Variants in MLIP observed in about 807,000 individuals in gnomAD.
The protein encoded by MLIP is muscular LMNA-interacting protein.
A neutral mutation model predicts 84.8 loss-of-function variants in MLIP; 79 were observed. That is an observed-to-expected ratio of 0.93 (90% CI 0.78 to 1.12). The LOEUF is 1.12. Among genes scored for constraint, MLIP ranks in the 50% most tolerant of loss-of-function variants. MLIP has a pLI of 0.00. For missense variants in MLIP, 1,257 were observed against 1,160.6 expected, an observed-to-expected ratio of 1.08 and a Z score of -1.21; for synonymous variants, 504 against 463.0, an observed-to-expected ratio of 1.09 and a Z score of -1.14.
intron 8 of MLIP, among the ~76,000 whole-genome samples, chr6:54,168,853 C>CTTTTTTTT (rs3996971): frequency 8.4e-6 from 1 of 118,814 alleles, no homozygotes; most frequent in East Asian, 2.7e-4. Flanking sequence ...GGGTTGAGGT[C>CTTTTTTTT]TTTTTTTTTT....
intron 11 of MLIP, 96 bp from the exon 12 acceptor site, chr6:54,230,618 A>C: frequency 1.0e-5 from 11 of 1,061,490 alleles, no homozygotes; most frequent in Non-Finnish European, 1.6e-5. Flanking sequence ...TCTTACTGGT[A>C]AGAGATTCTG....
chr6:54,254,715 A>T (rs1423190726), intron 12 of MLIP, among the ~76,000 whole-genome samples: 1 of 146,604 alleles, frequency 6.8e-6, no homozygotes, highest in Non-Finnish European at 1.5e-5. Context: ...TCATATTTTT[A>T]TTAGAATCTT....
chr6:54,064,838 T>C (rs1312724183), intron 1 of MLIP, among the ~76,000 whole-genome samples: 2 of 99,198 alleles, frequency 2.0e-5, no homozygotes, highest in African/African-American at 5.1e-5. Context: ...TATATTCATC[T>C]TCCTTTAGAT....
At chr6:54,200,620 T>G (rs1280852) in intron 10 of MLIP, among the ~76,000 whole-genome samples, 127,092 of 139,596 alleles carry the variant, frequency 0.91, 58,538 homozygotes, top group East Asian at 0.99. Context: ...TTTTTTTTTT[T>G]TTTTTTTTTT....
intron 11 of MLIP, chr6:54,217,191 C>T: frequency 2.0e-6 from 2 of 985,368 alleles, no homozygotes; most frequent in Non-Finnish European, 2.4e-6. Context: ...CAGAAAACCG[C>T]AGCGTGAAGA....
chr6:54,033,629 A>G (rs1326294498), intron 1 of MLIP, among the ~76,000 whole-genome samples: 5 of 152,056 alleles, frequency 3.3e-5, no homozygotes, highest in Non-Finnish European at 7.4e-5. Flanking sequence ...TGGCCTCAGG[A>G]CAGCCTGAAT....
chr6:54,236,111 T>G (rs890626076), intron 12 of MLIP, among the ~76,000 whole-genome samples: 1 of 152,168 alleles, frequency 6.6e-6, no homozygotes, highest in African/African-American at 2.4e-5. Context: ...CATAGGGAAC[T>G]CCAAAACCAT....
rs186663783 is a variant in MLIP, at chr6:54,030,261, C to T, written c.63+11170C>T. ...TGCCTATTCTGAAAGATGTTATGTC[C>T]TAATCTCAGTGGAGAATAATTATAT... On this transcript the variant is annotated intron_variant, in intron 1 of 12. Transcript: ENST00000274897. Among the ~76,000 whole-genome samples, 127 of 152,252 alleles carry T rather than the reference C, an allele frequency of 8.3e-4. 1 individual carries two copies. The Middle Eastern group carries it at 0.01, about 12-fold the overall frequency.
Position 54,230,773 on chromosome 6 carries a change from T to A in MLIP, c.2778T>A (p.Tyr926Ter), listed in dbSNP as rs759125032. Reference protein sequence around the residue: ...SLHPLYQTKLYPPAKSLLHPQ... With the variant: ...SLHPLYQTKL ...ATCCTTTATATCAGACTAAACTCTA[T>A]CCTCCTGCTAAGTCACTGCTGCATC... Residue 926 changes from tyrosine to a stop codon, truncating the protein, a stop_gained, in exon 12 of 14, where the codon TAT (tyrosine) becomes TAA (stop). Transcript: ENST00000502396. LOFTEE classifies it high-confidence loss of function. 1 of 1,614,092 alleles carries A rather than the reference T, an allele frequency of 6.2e-7. No individual in the cohort carries two copies. Among genetic ancestry groups the A allele is most frequent in the Non-Finnish European group, 8.5e-7 (1 of 1,180,002 alleles).
chr6:54,072,162 G>A (rs2150344966), intron 1 of MLIP, among the ~76,000 whole-genome samples: 1 of 152,162 alleles, frequency 6.6e-6, no homozygotes, highest in South Asian at 2.1e-4. Context: ...TGACTCAGCT[G>A]GTCTGAAGGA....
chr6:54,021,258 T>C (rs902981471), intron 1 of MLIP, among the ~76,000 whole-genome samples: 25 of 152,292 alleles, frequency 1.6e-4, no homozygotes, highest in Middle Eastern at 3.4e-3. Flanking sequence ...ATAGTAAAGT[T>C]CGTAAAAGTC....
intron 12 of MLIP, among the ~76,000 whole-genome samples, chr6:54,239,036 G>T (rs1410659268): frequency 6.6e-6 from 1 of 152,010 alleles, no homozygotes; most frequent in Non-Finnish European, 1.5e-5. Context: ...AAATCCTATT[G>T]TAAGTTTTTA....
intron 12 of MLIP, among the ~76,000 whole-genome samples, chr6:54,240,432 T>C (rs981705487): frequency 2.0e-5 from 3 of 152,252 alleles, no homozygotes; most frequent in African/African-American, 7.2e-5. Context: ...CTTTCCTTTC[T>C]GCCCCCAGAG....
intron 12 of MLIP, among the ~76,000 whole-genome samples, chr6:54,248,760 A>T (rs1040536158): frequency 6.6e-6 from 1 of 152,128 alleles, no homozygotes; most frequent in African/African-American, 2.4e-5. Flanking sequence ...AAAGATCAGG[A>T]CAGAAAATTC....
intron 1 of MLIP, among the ~76,000 whole-genome samples, chr6:54,056,582 G>A (rs1213349539): frequency 1.3e-5 from 2 of 152,078 alleles, no homozygotes; most frequent in African/African-American, 4.8e-5. Flanking sequence ...TTATATTTTC[G>A]TGTCGTGTGT....
rs1174894019 is a variant in MLIP at position 54,215,245 on chromosome 6, TGACTTTCCTAC to T, written c.2718+13013_2718+13023del. 12 of 1,511,990 alleles carry T rather than the reference TGACTTTCCTAC, an allele frequency of 7.9e-6. No homozygotes were observed. The Admixed American group carries it at 2.4e-4, about 31-fold the overall frequency. 93.7% of individuals were successfully genotyped at this position (1,511,990 alleles called of 1,614,324 possible). ...CCTTGTGGCTAGTTACTGTAGCCTT[TGACTTTCCTAC>T]TTCCTGAAAAAGAGAAAAAGACGAT... On this transcript the variant is annotated intron_variant, in intron 11 of 13. Coordinates refer to ENST00000502396, the MANE Select transcript of MLIP (RefSeq NM_001281747.2).
At chr6:54,166,272 A>G (rs1244961084) in intron 8 of MLIP, among the ~76,000 whole-genome samples, 1 of 151,972 alleles carries the variant, frequency 6.6e-6, no homozygotes, top group African/African-American at 2.4e-5. Context: ...TCAATGAAGT[A>G]AAATGTAAGA....
chr6:54,099,516 A>G (rs1350670646), intron 1 of MLIP: 1 of 152,098 alleles, frequency 6.6e-6, no homozygotes, highest in Non-Finnish European at 1.5e-5. Flanking sequence ...GAAAAAAAAA[A>G]TATATAGCTG....
chr6:54,027,178 T>C (rs1158596387), intron 1 of MLIP, among the ~76,000 whole-genome samples: 1 of 152,208 alleles, frequency 6.6e-6, no homozygotes, highest in Non-Finnish European at 1.5e-5. Flanking sequence ...TTAAATTGCA[T>C]AGTTTTCTAT....
Sources: gnomAD v4.1 joint callset for allele counts (sites outside exome capture counted in the v4.1 genomes callset) on GRCh38, gnomAD v4.1.1 for gene constraint, MANE v1.5 for transcripts, NCBI Gene and HGNC (gene_info 2026-07-23, HGNC 2026-07-21) for gene names.